LGALS4: variants seen among roughly 807,000 people sequenced by gnomAD.
LGALS4 encodes the protein galectin 4.
Under a neutral mutation model 39.6 loss-of-function variants are expected in LGALS4, and 37 were observed. That is an observed-to-expected ratio of 0.93 (90% CI 0.72 to 1.23). LGALS4 has a LOEUF of 1.23. Among genes scored for constraint, LGALS4 ranks in the 50% most tolerant of loss-of-function variants. The pLI is 0.00. For missense variants in LGALS4, 397 were observed against 433.2 expected (o/e 0.92, Z 0.74); for synonymous variants, 160 against 165.5 (o/e 0.97, Z 0.25).
chr19:38,808,736 A>G lies in LGALS4; in HGVS notation c.339+8T>C, dbSNP rs1433097691. On this transcript the variant is annotated splice_region_variant and intron_variant, in intron 3 of 9. Coordinates refer to ENST00000307751, the MANE Select transcript of LGALS4 (RefSeq NM_006149.4). The stretch of plus-strand genomic sequence containing the variant: ...CAGCTTGGGAAACAAGAGAGAAAGC[A>G]TGCAGACCTTGTAGTGCTCAGCCAG... 6.2e-7 allele frequency: 1 copy of G among 1,613,084 alleles called. No homozygotes were observed. The highest frequency in any genetic ancestry group is 8.5e-7 in the Non-Finnish European group (1 of 1,179,174).
rs1247282591 is a variant in LGALS4 at position 38,803,914 on chromosome 19, A to G, written c.475-19T>C. 1.9e-6 allele frequency: 3 copies of G among 1,602,016 alleles called. No individual in the cohort carries two copies. The highest frequency in any genetic ancestry group is 2.6e-6 in the Non-Finnish European group (3 of 1,174,190). ...GGGGTCCCTGTGGGCACAGAAAGAG[A>G]AAGCGGTTATGAGAGGGTCCCCAGA... On this transcript the variant is annotated intron_variant, in intron 4 of 9. Coordinates refer to ENST00000307751, the MANE Select transcript of LGALS4 (RefSeq NM_006149.4).
intron 2 of LGALS4, among the ~76,000 whole-genome samples, chr19:38,810,779 G>A (rs1366042654): frequency 6.6e-6 from 1 of 151,778 alleles, no homozygotes; most frequent in Non-Finnish European, 1.5e-5. Flanking sequence ...GCCCGGCCAG[G>A]CCACCCTATT....
At chr19:38,807,333 C>T (rs1971434290) in intron 3 of LGALS4, among the ~76,000 whole-genome samples, 1 of 152,110 alleles carries the variant, frequency 6.6e-6, no homozygotes, top group African/African-American at 2.4e-5. Context: ...CATCACTGCA[C>T]TCCAGCCTGG....
At position 38,812,528 on chromosome 19, in the gene LGALS4, G is replaced by T; in HGVS notation, c.46-9C>A. The T allele has an allele frequency of 6.2e-7, 1 of 1,613,058 alleles. No homozygotes were observed. Among genetic ancestry groups the T allele is most frequent in the Non-Finnish European group, 8.5e-7 (1 of 1,179,082 alleles). ...TGGTAGTAAGGCAGCGTCTGGAGAA[G>T]AGGCCTGGTGAGGGGACTCACAAGC... On this transcript the variant is annotated splice_polypyrimidine_tract_variant and intron_variant, in intron 1 of 9. Transcript: ENST00000307751.
chr19:38,808,775 A>G lies in LGALS4; in HGVS notation c.308T>C (p.Leu103Pro). 6.2e-7 allele frequency: 1 copy of G among 1,614,194 alleles called. No homozygotes were observed. Among genetic ancestry groups the G allele is most frequent in the South Asian group, 1.1e-5 (1 of 91,080 alleles). The change falls in exon 3 of 10, where the codon CTG becomes CCG. Residue 103 changes from leucine (L) to proline (P), a missense_variant. Physicochemically the swap from Leu to Pro is moderately conservative, Grantham distance 98. Coordinates refer to ENST00000307751, the MANE Select transcript of LGALS4 (RefSeq NM_006149.4). Reference protein sequence around the residue: ...MPFKKGAAFELVFIVLAEHYK... With the variant: ...MPFKKGAAFEPVFIVLAEHYK... The stretch of plus-strand genomic sequence containing the variant: ...GTGCTCAGCCAGGACTATGAAGACC[A>G]GCTCAAAGGCGGCACCCTTTTTGAA...
At chr19:38,805,819 C>G (rs1971415597) in intron 4 of LGALS4, among the ~76,000 whole-genome samples, 1 of 152,180 alleles carries the variant, frequency 6.6e-6, no homozygotes, top group East Asian at 1.9e-4. Flanking sequence ...CACCTGTAAT[C>G]CCAGCACTCT....
chr19:38,812,569 G>T, intron 1 of LGALS4, 50 bp from the exon 2 acceptor site: 2 of 1,534,454 alleles, frequency 1.3e-6, no homozygotes, highest in South Asian at 1.1e-5. Flanking sequence ...GCCTGTTGCA[G>T]CCTTTACCCC....
At chr19:38,801,941 G>A (rs1345786355) in intron 9 of LGALS4, 31 bp from the exon 10 acceptor site, 3 of 1,613,866 alleles carry the variant, frequency 1.9e-6, no homozygotes, top group East Asian at 2.2e-5. Flanking sequence ...ATGAGGCCAG[G>A]GCCAGGACTG....
At chr19:38,812,782 T>C (rs867124341) in intron 1 of LGALS4, 60 bp downstream of exon 1, 6 of 1,572,530 alleles carry the variant, frequency 3.8e-6, no homozygotes, top group Middle Eastern at 1.7e-4. Flanking sequence ...GTGGGGAAAA[T>C]TGGTGTGAGG....
Position 38,802,114 on chromosome 19 carries a change from G to C in LGALS4, c.703C>G (p.Leu235Val). 1 of 1,614,176 alleles carries C rather than the reference G, an allele frequency of 6.2e-7. No homozygotes were observed. The highest frequency in any genetic ancestry group is 8.5e-7 in the Non-Finnish European group (1 of 1,180,012). Residue 235 changes from leucine (L) to valine (V), a missense_variant, in exon 9 of 10, where the codon CTG becomes GTG. Physicochemically the swap from Leu to Val is conservative, Grantham distance 32 (BLOSUM62 1). Coordinates refer to ENST00000307751, the MANE Select transcript of LGALS4 (RefSeq NM_006149.4). ...FKVGSSGDIA[L>V]HINPRMGNGT... Reference sequence around the variant, plus strand: ...TTGCCCATGCGGGGATTAATGTGCAGAGCTATGTCCCCTGAGGAGCCCACC... The same window carrying C: ...TTGCCCATGCGGGGATTAATGTGCACAGCTATGTCCCCTGAGGAGCCCACC...
rs747747392 is a variant in LGALS4, at chr19:38,808,916, G to A, written c.167C>T (p.Pro56Leu). The change falls in exon 3 of 10, where the codon CCG becomes CTG. Residue 56 changes from proline to leucine, a missense_variant. By Grantham distance (98) the Pro-to-Leu change is moderately conservative. Transcript: ENST00000307751. Reference protein sequence around the residue: ...FFVNFVVGQDPGSDVAFHFNP... With the variant: ...FFVNFVVGQDLGSDVAFHFNP... ...GAAGTGGAAGGCGACGTCTGAGCCCGGATCCTGCCCAACCACAAAGTTCAC... is the reference window on the plus strand; with the variant it reads ...GAAGTGGAAGGCGACGTCTGAGCCCAGATCCTGCCCAACCACAAAGTTCAC... 4.3e-6 allele frequency: 7 copies of A among 1,613,466 alleles called. No individual in the cohort carries two copies. The highest frequency in any genetic ancestry group is 1.1e-5 in the South Asian group (1 of 90,982).
In LGALS4 at chr19:38,808,796, T is replaced by C. The variant is rs934095655; in HGVS notation, c.287A>G (p.Lys96Arg). ...SEERKRSMPF[K>R]KGAAFELVFI... is the part of the protein sequence containing the mutation. ...GACCAGCTCAAAGGCGGCACCCTTT[T>C]TGAAGGGCATGCTCCTCTTCCTCTC... The change falls in exon 3 of 10, where the codon AAA (lysine) becomes AGA (arginine). Residue 96 changes from lysine (K) to arginine (R), a missense_variant. Physicochemically the swap from Lys to Arg is conservative, Grantham distance 26. Coordinates refer to ENST00000307751, the MANE Select transcript of LGALS4 (RefSeq NM_006149.4). The C allele has an allele frequency of 4.3e-6, 7 of 1,614,010 alleles. No individual in the cohort carries two copies. The highest frequency in any genetic ancestry group is 1.7e-5 in the Admixed American group (1 of 59,976).
chr19:38,808,031 G>T (rs918435482), intron 3 of LGALS4, among the ~76,000 whole-genome samples: 2 of 151,970 alleles, frequency 1.3e-5, no homozygotes, highest in African/African-American at 2.4e-5. Context: ...CTTTGTTCAC[G>T]TGTTTATCTG....
At chr19:38,812,717 G>A in intron 1 of LGALS4, 125 bp downstream of exon 1, 1 of 1,111,098 alleles carries the variant, frequency 9.0e-7, no homozygotes, top group South Asian at 1.3e-5. Flanking sequence ...CGAGGGTCGG[G>A]GTCAGCTTTG....
intron 3 of LGALS4, among the ~76,000 whole-genome samples, chr19:38,807,198 C>T (rs1326718524): frequency 6.6e-6 from 1 of 151,498 alleles, no homozygotes; most frequent in Non-Finnish European, 1.5e-5. Context: ...AAGACCCCGT[C>T]TTTACAAAAA....
chr19:38,808,225 A>C (rs1044712876), intron 3 of LGALS4, among the ~76,000 whole-genome samples: 1 of 151,944 alleles, frequency 6.6e-6, no homozygotes, highest in Non-Finnish European at 1.5e-5. Flanking sequence ...AAAAGGAAAT[A>C]AATGAAGGAG....
chr19:38,810,894 T>C (rs1310704214), intron 2 of LGALS4, among the ~76,000 whole-genome samples: 1 of 150,316 alleles, frequency 6.7e-6, no homozygotes, highest in East Asian at 2.0e-4. Context: ...ATCTTACATA[T>C]TTGACTTTTT....
intron 3 of LGALS4, among the ~76,000 whole-genome samples, chr19:38,808,303 CAG>C (rs1971447298): frequency 1.3e-5 from 2 of 150,610 alleles, no homozygotes; most frequent in African/African-American, 4.9e-5. Context: ...GAGGAGAGAA[CAG>C]AGAAAGAGGA....
intron 2 of LGALS4, 55 bp downstream of exon 2, chr19:38,812,376 G>T: frequency 1.3e-6 from 2 of 1,512,250 alleles, no homozygotes; most frequent in South Asian, 2.3e-5. Context: ...GCCAGGCCCA[G>T]AGCACCCAGT....
Sources: allele counts gnomAD v4.1 joint callset (sites outside exome capture counted in the v4.1 genomes callset), GRCh38; gene constraint gnomAD v4.1.1; transcripts MANE v1.5; gene names NCBI Gene and HGNC (gene_info 2026-07-23, HGNC 2026-07-21).